The following OPHN1 variants were observed in gnomAD, a reference collection of about 807,000 sequenced individuals.
OPHN1 encodes the protein oligophrenin-1.
In OPHN1, 11 loss-of-function variants were observed where a neutral mutation model predicts 60.7. That is an observed-to-expected ratio of 0.18 (90% CI 0.11 to 0.30). The LOEUF (loss-of-function observed/expected upper bound fraction) is 0.30. OPHN1 is among the 10% of genes least tolerant of loss of function. The probability of loss-of-function intolerance (pLI) is 1.00; values close to 1 mark genes in which losing one functional copy is unlikely to be tolerated. For synonymous variants in OPHN1, 226 were observed against 222.6 expected, an observed-to-expected ratio of 1.02 and a Z score of -0.14; for missense variants, 449 against 611.0, an observed-to-expected ratio of 0.73 and a Z score of 2.80.
At chrX:68,221,466 G>A (rs1405637347) in intron 6 of OPHN1, among the ~76,000 whole-genome samples, 43 of 69,955 alleles carry the variant, frequency 6.1e-4, no homozygotes, top group African/African-American at 2.2e-3. Context: ...AGCCCGCATC[G>A]CCAAGTCAAT....
chrX:68,419,689 C>T (rs1057422496), intron 2 of OPHN1, among the ~76,000 whole-genome samples: 5 of 109,273 alleles, frequency 4.6e-5, no homozygotes, highest in African/African-American at 1.7e-4. Context: ...TACAAGTGAG[C>T]GCCACCATAC....
At chrX:68,053,922 C>T in intron 21 of OPHN1, 112 bp from the exon 22 acceptor site, 2 of 737,157 alleles carry the variant, frequency 2.7e-6, no homozygotes, top group South Asian at 5.2e-5. Context: ...GCCTCCATTT[C>T]TTCTTGGTGA....
intron 5 of OPHN1, among the ~76,000 whole-genome samples, chrX:68,237,048 C>A (rs144119371): frequency 8.9e-6 from 1 of 111,859 alleles, no homozygotes; most frequent in South Asian, 3.7e-4. Context: ...TGCAGCAGTG[C>A]GATCTCGGCT....
chrX:68,051,827 CAGAG>C (rs1043196853), intron 23 of OPHN1, among the ~76,000 whole-genome samples: 2 of 111,345 alleles, frequency 1.8e-5, no homozygotes, highest in East Asian at 2.8e-4. Flanking sequence ...GAAAGATGAG[CAGAG>C]AGAGAGATGA....
chrX:68,421,808 C>G (rs1281783644), intron 2 of OPHN1, among the ~76,000 whole-genome samples: 1 of 111,247 alleles, frequency 9.0e-6, no homozygotes, highest in Non-Finnish European at 1.9e-5. Flanking sequence ...TCCAAGCTGC[C>G]TTAGGATAAA....
intron 15 of OPHN1, among the ~76,000 whole-genome samples, chrX:68,135,806 G>A (rs1183564799): frequency 8.9e-6 from 1 of 111,900 alleles, no homozygotes; most frequent in Non-Finnish European, 1.9e-5. Context: ...TGAGAGAGTA[G>A]AAGAAACTGA....
At chrX:68,181,634 G>A (rs1273285203) in intron 15 of OPHN1, among the ~76,000 whole-genome samples, 1 of 110,379 alleles carries the variant, frequency 9.1e-6, no homozygotes, top group African/African-American at 3.3e-5. Flanking sequence ...AGACCAGCCC[G>A]GCCAACATGG....
At chrX:68,279,101 CTTTTTTTTTTTTTTT>C (rs984725368) in intron 4 of OPHN1, among the ~76,000 whole-genome samples, 639 of 21,815 alleles carry the variant, frequency 0.029, 10 homozygotes, top group Middle Eastern at 0.16. Context: ...CTCCCCCGCT[CTTTTTTTTTTTTTTT>C]TTTTTTTTTT....
intron 9 of OPHN1, 161 bp downstream of exon 9, chrX:68,209,992 C>CTTTTTTTTTTTTTTTT: frequency 6.7e-6 from 3 of 447,207 alleles, no homozygotes; most frequent in African/African-American, 2.6e-5. Context: ...TCAGTTTCTC[C>CTTTTTTTTTTTTTTTT]TTTTTTTTTT....
At chrX:68,079,635 C>T (rs1160533031) in intron 19 of OPHN1, among the ~76,000 whole-genome samples, 3 of 111,807 alleles carry the variant, frequency 2.7e-5, no homozygotes, top group African/African-American at 6.5e-5. Context: ...CTTTCTCAAC[C>T]GTGTCATCCA....
At chrX:68,411,693 C>A (rs2078770337) in intron 2 of OPHN1, among the ~76,000 whole-genome samples, 2 of 111,870 alleles carry the variant, frequency 1.8e-5, no homozygotes, top group South Asian at 7.5e-4. Flanking sequence ...GTGTAGTTTG[C>A]AAATATATTC....
chrX:68,252,285 T>G (rs989275523), intron 5 of OPHN1, among the ~76,000 whole-genome samples: 1 of 112,636 alleles, frequency 8.9e-6, no homozygotes, highest in African/African-American at 3.2e-5. Context: ...CACTGAATTT[T>G]GGGATGCTTT....
intron 5 of OPHN1, among the ~76,000 whole-genome samples, chrX:68,267,981 C>G (rs2077941675): frequency 9.0e-6 from 1 of 111,388 alleles, no homozygotes; most frequent in South Asian, 3.8e-4. Context: ...AAGACTAAAC[C>G]AGGAAGGAGT....
chrX:68,045,443 TACTC>T lies in OPHN1; in HGVS notation c.*1725_*1728del, dbSNP rs1398872394. 8 of 112,391 alleles carry T rather than the reference TACTC, an allele frequency of 7.1e-5. No homozygotes were observed. Among genetic ancestry groups the T allele is most frequent in the Non-Finnish European group, 1.3e-4 (7 of 53,336 alleles). The allele number at this position is 112,391 out of a possible 1,213,427, so 9.3% of individuals were successfully genotyped here. A position where few individuals can be genotyped will look rare whatever the true frequency, so the allele number is the denominator to read the frequency against. On this transcript the variant is annotated 3_prime_UTR_variant, in exon 25 of 25. Transcript: ENST00000355520. The stretch of plus-strand genomic sequence containing the variant: ...GTGGGTTTGCACATGAGTGTGCATG[TACTC>T]ACTCTCTATCTCTTTATCTAGGTTT...
At chrX:68,367,082 G>A (rs373912525) in intron 2 of OPHN1, among the ~76,000 whole-genome samples, 1 of 110,855 alleles carries the variant, frequency 9.0e-6, no homozygotes, top group Non-Finnish European at 1.9e-5. Flanking sequence ...TGCAGAGGCC[G>A]GGGATGGTGG....
At chrX:68,427,937 C>G (rs749756151) in intron 2 of OPHN1, among the ~76,000 whole-genome samples, 35 of 111,202 alleles carry the variant, frequency 3.1e-4, no homozygotes, top group Admixed American at 4.8e-4. Context: ...TCGAGACCAG[C>G]CTGGCCAACA....
At chrX:68,251,185 T>TG (rs1210972424) in intron 5 of OPHN1, among the ~76,000 whole-genome samples, 3 of 94,924 alleles carry the variant, frequency 3.2e-5, no homozygotes, top group Non-Finnish European at 4.2e-5. Context: ...CAAATGTTTT[T>TG]TTTTTTTTTT....
chrX:68,248,820 T>C (rs991199884), intron 5 of OPHN1, among the ~76,000 whole-genome samples: 5 of 112,031 alleles, frequency 4.5e-5, no homozygotes, highest in Admixed American at 2.8e-4. Flanking sequence ...GAGATCATTA[T>C]ATTAAGTGAA....
At chrX:68,056,479 C>T (rs1259322770) in intron 21 of OPHN1, among the ~76,000 whole-genome samples, 1 of 111,463 alleles carries the variant, frequency 9.0e-6, no homozygotes, top group African/African-American at 3.3e-5. Context: ...AAGGAAGAAA[C>T]AAAACACTAT....
Sources: allele counts gnomAD v4.1 joint callset (sites outside exome capture counted in the v4.1 genomes callset), GRCh38; gene constraint gnomAD v4.1.1; transcripts MANE v1.5; gene names NCBI Gene and HGNC (gene_info 2026-07-23, HGNC 2026-07-21).